Variants in CNGB3 observed in about 807,000 individuals in gnomAD.
The protein encoded by CNGB3 is cyclic nucleotide-gated channel beta-3.
Under a neutral mutation model 92.8 loss-of-function variants are expected in CNGB3, and 86 were observed. The observed-to-expected ratio is 0.93, with a 90% CI of 0.78 to 1.11. CNGB3 has a LOEUF of 1.11. Ranked by LOEUF, CNGB3 falls within the 50% of genes least tolerant of loss-of-function variation. The probability of loss-of-function intolerance (pLI) is 0.00; values close to 1 mark genes in which losing one functional copy is unlikely to be tolerated. For synonymous variants in CNGB3, 333 were observed against 332.7 expected, an observed-to-expected ratio of 1.00 and a Z score of -0.01; for missense variants, 1,026 against 956.8, an observed-to-expected ratio of 1.07 and a Z score of -0.95.
At chr8:86,630,891 TG>T (rs1326574582) in intron 11 of CNGB3, among the ~76,000 whole-genome samples, 2 of 152,110 alleles carry the variant, frequency 1.3e-5, no homozygotes, top group Admixed American at 6.6e-5. Flanking sequence ...AAAAGAGTGA[TG>T]ATTAGTTCCA....
intron 3 of CNGB3, among the ~76,000 whole-genome samples, chr8:86,712,922 C>CA (rs1293331096): frequency 6.7e-6 from 1 of 150,032 alleles, no homozygotes; most frequent in East Asian, 1.9e-4. Context: ...TGTTTTTTTT[C>CA]AAATGAACTT....
At chr8:86,677,099 T>G (rs1823987730) in intron 3 of CNGB3, among the ~76,000 whole-genome samples, 1 of 152,166 alleles carries the variant, frequency 6.6e-6, no homozygotes, top group Non-Finnish European at 1.5e-5. Context: ...CAAAGGATTG[T>G]TGGTGATCAC....
chr8:86,728,022 A>G (rs543299196), intron 2 of CNGB3, among the ~76,000 whole-genome samples: 1 of 152,282 alleles, frequency 6.6e-6, no homozygotes, highest in East Asian at 1.9e-4. Flanking sequence ...AATTTTTAAA[A>G]GTTTAAGACT....
intron 10 of CNGB3, among the ~76,000 whole-genome samples, chr8:86,641,769 C>T (rs1333766670): frequency 6.6e-6 from 1 of 151,890 alleles, no homozygotes; most frequent in East Asian, 1.9e-4. Context: ...ATACTTCTTA[C>T]TTTCTAGGGA....
intron 6 of CNGB3, among the ~76,000 whole-genome samples, chr8:86,663,440 T>C (rs1409077579): frequency 2.6e-5 from 4 of 152,234 alleles, no homozygotes; most frequent in Non-Finnish European, 5.9e-5. Context: ...ATAAATGCTG[T>C]GAAAAACTTG....
At chr8:86,591,356 C>T (rs1476962494) in intron 15 of CNGB3, among the ~76,000 whole-genome samples, 8 of 151,952 alleles carry the variant, frequency 5.3e-5, no homozygotes, top group East Asian at 3.9e-4. Flanking sequence ...AGTCATTCTC[C>T]GTCCAGCTTT....
intron 3 of CNGB3, among the ~76,000 whole-genome samples, chr8:86,720,839 T>TATATATACACAC (rs1554618004): frequency 7.7e-6 from 1 of 129,890 alleles, no homozygotes; most frequent in Non-Finnish European, 1.6e-5. Context: ...TATATATGTA[T>TATATATACACAC]ACACACACAC....
intron 3 of CNGB3, among the ~76,000 whole-genome samples, chr8:86,706,516 G>T (rs1824654993): frequency 6.6e-6 from 1 of 152,168 alleles, no homozygotes; most frequent in Admixed American, 6.5e-5. Flanking sequence ...CTTTCATGTG[G>T]CCACCAGTTG....
intron 3 of CNGB3, among the ~76,000 whole-genome samples, chr8:86,696,495 T>C (rs1314865343): frequency 6.6e-6 from 1 of 152,170 alleles, no homozygotes; most frequent in Non-Finnish European, 1.5e-5. Context: ...TGTGAATTCT[T>C]CCAGTTTTTC....
chr8:86,678,198 G>GA (rs990689295), intron 3 of CNGB3, among the ~76,000 whole-genome samples: 5 of 151,886 alleles, frequency 3.3e-5, no homozygotes, highest in African/African-American at 9.7e-5. Context: ...AGTTACATCT[G>GA]AAAAAAAATC....
At chr8:86,589,513 A>C (rs970598072) in intron 15 of CNGB3, among the ~76,000 whole-genome samples, 13 of 151,904 alleles carry the variant, frequency 8.6e-5, no homozygotes, top group South Asian at 2.1e-4. Flanking sequence ...GCTTTGAATG[A>C]GTCCCAGAGA....
At chr8:86,720,839 T>TATACACAC (rs1554618004) in intron 3 of CNGB3, among the ~76,000 whole-genome samples, 1 of 129,886 alleles carries the variant, frequency 7.7e-6, no homozygotes, top group Non-Finnish European at 1.6e-5. Context: ...TATATATGTA[T>TATACACAC]ACACACACAC....
chr8:86,719,374 C>G (rs933014064), intron 3 of CNGB3, among the ~76,000 whole-genome samples: 1 of 152,096 alleles, frequency 6.6e-6, no homozygotes, highest in African/African-American at 2.4e-5. Context: ...TATACACCAA[C>G]AGTGACCAAG....
chr8:86,625,551 GT>G (rs1245091252), intron 13 of CNGB3, among the ~76,000 whole-genome samples: 2 of 151,972 alleles, frequency 1.3e-5, no homozygotes, highest in African/African-American at 2.4e-5. Context: ...CATTTTAAGA[GT>G]CTAAATCCAA....
intron 15 of CNGB3, 150 bp downstream of exon 15, chr8:86,603,943 T>C: frequency 1.6e-6 from 1 of 633,400 alleles, no homozygotes; most frequent in Non-Finnish European, 2.8e-6. Flanking sequence ...GGTGAAGGGA[T>C]GAATAAAAAT....
At chr8:86,629,708 GCTGAAATTA>G (rs1461146309) in intron 11 of CNGB3, among the ~76,000 whole-genome samples, 20 of 152,296 alleles carry the variant, frequency 1.3e-4, no homozygotes, top group African/African-American at 4.6e-4. Context: ...GTTGAAATGT[GCTGAAATTA>G]CTGAAGCATC....
chr8:86,664,591 T>G (rs966770483), intron 6 of CNGB3, among the ~76,000 whole-genome samples: 2 of 152,194 alleles, frequency 1.3e-5, no homozygotes, highest in Non-Finnish European at 2.9e-5. Flanking sequence ...TTCTGTTTCT[T>G]AGATTGATTG....
At chr8:86,666,878 A>G in intron 6 of CNGB3, 47 bp downstream of exon 6, 1 of 1,432,494 alleles carries the variant, frequency 7.0e-7, no homozygotes, top group Non-Finnish European at 9.8e-7. Flanking sequence ...TAGCCCAATT[A>G]GATGTTATTC....
chr8:86,656,989 G>A (rs1418962238), intron 6 of CNGB3, among the ~76,000 whole-genome samples: 1 of 152,114 alleles, frequency 6.6e-6, no homozygotes, highest in Non-Finnish European at 1.5e-5. Flanking sequence ...CTGGGGAAGG[G>A]GAGCCACCCC....
Sources: gnomAD v4.1 joint callset for allele counts (sites outside exome capture counted in the v4.1 genomes callset) on GRCh38, gnomAD v4.1.1 for gene constraint, MANE v1.5 for transcripts, NCBI Gene and HGNC (gene_info 2026-07-23, HGNC 2026-07-21) for gene names.